The following ANO4 variants were observed in gnomAD, a reference collection of about 807,000 sequenced individuals.
The protein encoded by ANO4 is anoctamin 4.
A neutral mutation model predicts 141.9 loss-of-function variants in ANO4; 69 were observed. The observed-to-expected ratio is 0.49, with a 90% CI of 0.40 to 0.59. The LOEUF (loss-of-function observed/expected upper bound fraction) is 0.59, where lower values mean the gene tolerates loss of function less well. Ranked by LOEUF, ANO4 falls within the 20% of genes least tolerant of loss-of-function variation. ANO4 has a pLI of 0.00. For synonymous variants in ANO4, 350 were observed against 394.3 expected (o/e 0.89, Z 1.33); for missense variants, 894 against 1,162.2 (o/e 0.77, Z 3.36).
At chr12:100,941,215 TAA>T (rs909254191) in intron 4 of ANO4, among the ~76,000 whole-genome samples, 22 of 141,032 alleles carry the variant, frequency 1.6e-4, no homozygotes, top group Admixed American at 1.4e-4. Flanking sequence ...TTGTTGTGGG[TAA>T]AAAAAAAAAA....
intron 16 of ANO4, 74 bp downstream of exon 16, chr12:101,083,892 C>T: frequency 7.6e-7 from 1 of 1,322,654 alleles, no homozygotes; most frequent in South Asian, 1.6e-5. Context: ...TCATATTGGG[C>T]ATTTGCATTG....
At chr12:100,738,240 G>A (rs1196858396) in intron 2 of ANO4, among the ~76,000 whole-genome samples, 2 of 152,152 alleles carry the variant, frequency 1.3e-5, no homozygotes, top group Non-Finnish European at 2.9e-5. Context: ...AGGATGAGCA[G>A]GCTATCAATG....
At position 100,910,761 on chromosome 12, in the gene ANO4, A is replaced by C. The variant is rs531760534; in HGVS notation, c.55+8921A>C. On this transcript the variant is annotated intron_variant, in intron 2 of 27. Coordinates refer to ENST00000392977, the MANE Select transcript of ANO4 (RefSeq NM_001286615.2). ...CTATTGCTTTTTCCTTATCTGTTAG[A>C]CCCATCATACAATCCTAGAGAAGTG... Among the ~76,000 whole-genome samples, 58 of 152,236 alleles carry C rather than the reference A, an allele frequency of 3.8e-4. 2 individuals are homozygous for C. The South Asian group carries it at 9.5e-3, about 25-fold the overall frequency.
intron 5 of ANO4, among the ~76,000 whole-genome samples, chr12:100,954,176 G>A (rs1184935421): frequency 2.6e-5 from 4 of 152,200 alleles, no homozygotes; most frequent in Admixed American, 6.5e-5. Context: ...AGGGTTGTGC[G>A]GGAAAGCCAC....
intron 3 of ANO4, among the ~76,000 whole-genome samples, chr12:100,774,371 C>CA (rs1221552122): frequency 3.3e-5 from 5 of 152,202 alleles, no homozygotes; most frequent in Non-Finnish European, 5.9e-5. Flanking sequence ...GCATCAACAA[C>CA]ATTTTATAGC....
At chr12:101,045,562 G>C (rs1335528985) in intron 13 of ANO4, among the ~76,000 whole-genome samples, 1 of 152,178 alleles carries the variant, frequency 6.6e-6, no homozygotes, top group Non-Finnish European at 1.5e-5. Flanking sequence ...TCAGATTGGC[G>C]CTGGGATCTA....
chr12:100,775,987 GA>G lies in ANO4; in HGVS notation c.358+35889del, dbSNP rs375884507. 3.1e-3 allele frequency among the ~76,000 whole-genome samples: 465 copies of G among 152,118 alleles called. 3 individuals carry two copies. Among genetic ancestry groups the G allele is most frequent in the African/African-American group, 0.011 (447 of 41,496 alleles). On this transcript the variant is annotated intron_variant, in intron 3 of 29. Transcript: ENST00000644049. ...AGTTGATGAATATAGGCAGCACTGA[GA>G]AAAAAAGCTAACAGGCTGAATGATG...
chr12:100,997,455 G>A (rs1275803583), intron 8 of ANO4, among the ~76,000 whole-genome samples: 1 of 151,636 alleles, frequency 6.6e-6, no homozygotes, highest in Non-Finnish European at 1.5e-5. Context: ...CTGTGCATGT[G>A]AAGACATCTG....
intron 1 of ANO4, among the ~76,000 whole-genome samples, chr12:100,829,831 G>C (rs962484794): frequency 4.6e-5 from 7 of 151,932 alleles, no homozygotes; most frequent in African/African-American, 1.4e-4. Context: ...TGTGAAGTGG[G>C]TGCCATAGCT....
At chr12:100,761,982 T>G (rs1476527880) in intron 3 of ANO4, among the ~76,000 whole-genome samples, 1 of 152,126 alleles carries the variant, frequency 6.6e-6, no homozygotes, top group Non-Finnish European at 1.5e-5. Context: ...CTATGACCTC[T>G]CCTGCCCTCC....
intron 1 of ANO4, among the ~76,000 whole-genome samples, chr12:100,882,032 C>T (rs2135959236): frequency 6.6e-6 from 1 of 152,150 alleles, no homozygotes; most frequent in Admixed American, 6.5e-5. Flanking sequence ...GAGCATCAGG[C>T]CTGATGCACA....
intron 7 of ANO4, among the ~76,000 whole-genome samples, chr12:100,978,100 G>A (rs181733624): frequency 5.9e-5 from 9 of 152,282 alleles, no homozygotes; most frequent in Admixed American, 2.0e-4. Context: ...CCATCACCCT[G>A]TGCTGTAATC....
intron 14 of ANO4, among the ~76,000 whole-genome samples, chr12:101,061,923 C>A (rs2048363202): frequency 1.3e-5 from 2 of 152,048 alleles, no homozygotes; most frequent in Admixed American, 6.5e-5. Flanking sequence ...TGTTCCCTTG[C>A]TGGCAAGGAG....
chr12:100,787,446 G>A (rs10128918), intron 3 of ANO4, among the ~76,000 whole-genome samples: 100,189 of 151,970 alleles, frequency 0.66, 33,378 homozygotes, highest in East Asian at 0.91. Flanking sequence ...CAAGAAGAAA[G>A]GTAGGAGAGC....
chr12:100,812,485 C>G (rs923093308), intron 1 of ANO4, among the ~76,000 whole-genome samples: 2 of 145,792 alleles, frequency 1.4e-5, no homozygotes, highest in African/African-American at 5.4e-5. Context: ...TATATATTAC[C>G]TTATTCATAC....
intron 1 of ANO4, among the ~76,000 whole-genome samples, chr12:100,841,539 G>A (rs2037248856): frequency 6.6e-6 from 1 of 152,064 alleles, no homozygotes; most frequent in South Asian, 2.1e-4. Flanking sequence ...AATGAATAGG[G>A]GGTTGCAAGC....
intron 2 of ANO4, among the ~76,000 whole-genome samples, chr12:100,903,280 A>G (rs371416270): frequency 4.6e-5 from 7 of 152,216 alleles, no homozygotes; most frequent in African/African-American, 1.4e-4. Flanking sequence ...GGCTTCCATG[A>G]CAATCTTAGG....
At chr12:100,899,854 C>T (rs1347705529) in intron 1 of ANO4, among the ~76,000 whole-genome samples, 2 of 151,994 alleles carry the variant, frequency 1.3e-5, no homozygotes, top group Non-Finnish European at 2.9e-5. Context: ...ATGCATACAA[C>T]AACATTATAA....
intron 1 of ANO4, among the ~76,000 whole-genome samples, chr12:100,877,454 A>T (rs1193081215): frequency 1.3e-5 from 2 of 151,542 alleles, no homozygotes; most frequent in African/African-American, 4.8e-5. Flanking sequence ...GAGAAAGCAG[A>T]GTCTATGGGT....
Sources: gnomAD v4.1 joint callset for allele counts (sites outside exome capture counted in the v4.1 genomes callset) on GRCh38, gnomAD v4.1.1 for gene constraint, MANE v1.5 for transcripts, NCBI Gene and HGNC (gene_info 2026-07-23, HGNC 2026-07-21) for gene names.